Variants in KCNMB2 observed in about 807,000 individuals in gnomAD.
The protein encoded by KCNMB2 is potassium calcium-activated channel subfamily M regulatory beta subunit 2.
In KCNMB2, 9 loss-of-function variants were observed where a neutral mutation model predicts 24.5. The ratio of observed to expected loss-of-function variants is 0.37; its 90% confidence interval spans 0.22 to 0.64. The LOEUF (loss-of-function observed/expected upper bound fraction) is 0.64. Among genes scored for constraint, KCNMB2 ranks in the 30% least tolerant of loss-of-function variants. KCNMB2 has a pLI of 0.63. For missense variants in KCNMB2, 226 were observed against 284.3 expected, an observed-to-expected ratio of 0.79 and a Z score of 1.47; for synonymous variants, 109 against 104.4, an observed-to-expected ratio of 1.04 and a Z score of -0.27.
intron 1 of KCNMB2, among the ~76,000 whole-genome samples, chr3:178,577,032 C>T (rs1050761589): frequency 6.6e-6 from 1 of 152,166 alleles, no homozygotes; most frequent in East Asian, 1.9e-4. Flanking sequence ...TCCCTGACCC[C>T]GGTGCCTCCT....
At chr3:178,717,358 C>G (rs1320870234) in intron 1 of KCNMB2, among the ~76,000 whole-genome samples, 1 of 152,076 alleles carries the variant, frequency 6.6e-6, no homozygotes, top group Admixed American at 6.6e-5. Context: ...CACATTCATA[C>G]TTTGCGTCCT....
chr3:178,609,064 C>A (rs1189709679), intron 1 of KCNMB2, among the ~76,000 whole-genome samples: 1 of 152,154 alleles, frequency 6.6e-6, no homozygotes, highest in African/African-American at 2.4e-5. Flanking sequence ...GAGGAACCTC[C>A]AAATTGTTCC....
At chr3:178,686,728 CTTCA>C (rs2108325134) in intron 1 of KCNMB2, among the ~76,000 whole-genome samples, 1 of 152,204 alleles carries the variant, frequency 6.6e-6, no homozygotes, top group African/African-American at 2.4e-5. Context: ...CTTTTAGTTA[CTTCA>C]TTTACAATTT....
At chr3:178,610,061 C>T (rs1488511213) in intron 1 of KCNMB2, among the ~76,000 whole-genome samples, 1 of 152,140 alleles carries the variant, frequency 6.6e-6, no homozygotes, top group Non-Finnish European at 1.5e-5. Flanking sequence ...ATTCTTTACA[C>T]CTTTGTCAAA....
At chr3:178,684,220 G>T (rs1196752838) in intron 1 of KCNMB2, among the ~76,000 whole-genome samples, 1 of 151,554 alleles carries the variant, frequency 6.6e-6, no homozygotes, top group African/African-American at 2.4e-5. Context: ...TCTGGAGGAC[G>T]TTATGCTAAG....
intron 1 of KCNMB2, chr3:178,801,904 G>GT (rs1713790394): frequency 1.3e-5 from 2 of 152,174 alleles, no homozygotes; most frequent in Admixed American, 1.3e-4. Flanking sequence ...AGGTCTGAAT[G>GT]TTTTGGTCCC....
intron 1 of KCNMB2, among the ~76,000 whole-genome samples, chr3:178,566,954 T>G (rs1716548349): frequency 6.6e-6 from 1 of 152,198 alleles, no homozygotes; most frequent in Non-Finnish European, 1.5e-5. Flanking sequence ...ATGTCCTATC[T>G]TTTGTAGCTG....
intron 1 of KCNMB2, among the ~76,000 whole-genome samples, chr3:178,725,865 G>A (rs1003863813): frequency 6.6e-6 from 1 of 151,750 alleles, no homozygotes; most frequent in South Asian, 2.1e-4. Context: ...ATAGCATGTA[G>A]TTGGTTTATT....
chr3:178,582,358 T>C (rs1039495461), intron 1 of KCNMB2, among the ~76,000 whole-genome samples: 2 of 151,778 alleles, frequency 1.3e-5, no homozygotes, highest in African/African-American at 4.8e-5. Flanking sequence ...CCAGGGCCTG[T>C]GGCGGGGTGG....
Position 178,578,610 on chromosome 3 carries a change from C to T in KCNMB2, c.-68+41899C>T, listed in dbSNP as rs555214867. Among the ~76,000 whole-genome samples, 58 of 152,294 alleles carry T rather than the reference C, an allele frequency of 3.8e-4. No homozygotes were observed. In the South Asian group the frequency reaches 0.012, roughly 30 times the overall value. ...AATTGGATAAAAAATCAAGACCCATCAGTCTGCTGTATTCAGGAGACCAAT... is the reference window on the plus strand; with the variant it reads ...AATTGGATAAAAAATCAAGACCCATTAGTCTGCTGTATTCAGGAGACCAAT... On this transcript the variant is annotated intron_variant, in intron 1 of 4. Transcript: ENST00000452583.
chr3:178,731,675 G>A (rs1485466070), intron 1 of KCNMB2, among the ~76,000 whole-genome samples: 3 of 152,150 alleles, frequency 2.0e-5, no homozygotes, highest in African/African-American at 7.2e-5. Context: ...AGGCCGAGGT[G>A]GGTGGATCTC....
intron 1 of KCNMB2, among the ~76,000 whole-genome samples, chr3:178,599,894 A>G (rs1441527731): frequency 6.6e-6 from 1 of 152,038 alleles, no homozygotes; most frequent in Admixed American, 6.6e-5. Flanking sequence ...TTTTATTGAG[A>G]TGGAGTCTCA....
intron 2 of KCNMB2, among the ~76,000 whole-genome samples, chr3:178,817,286 G>A (rs1210885949): frequency 6.7e-6 from 1 of 148,872 alleles, no homozygotes; most frequent in South Asian, 2.1e-4. Context: ...CTGATGAAAT[G>A]TACACATTAA....
At chr3:178,614,293 A>ATATGTATG (rs1206572047) in intron 1 of KCNMB2, among the ~76,000 whole-genome samples, 7 of 85,962 alleles carry the variant, frequency 8.1e-5, no homozygotes, top group African/African-American at 2.6e-4. Context: ...ATATATATAT[A>ATATGTATG]TATGTATGTA....
intron 1 of KCNMB2, among the ~76,000 whole-genome samples, chr3:178,601,361 T>C (rs1171541790): frequency 2.0e-5 from 3 of 151,898 alleles, no homozygotes; most frequent in Non-Finnish European, 4.4e-5. Context: ...AATAAATAAA[T>C]AAAAATTTTA....
At chr3:178,830,913 T>C (rs1407941937) in intron 4 of KCNMB2, among the ~76,000 whole-genome samples, 1 of 152,180 alleles carries the variant, frequency 6.6e-6, no homozygotes, top group Admixed American at 6.5e-5. Flanking sequence ...AAACTTCTAA[T>C]TTCAGTGTAA....
intron 4 of KCNMB2, among the ~76,000 whole-genome samples, chr3:178,828,645 A>G (rs367547643): frequency 6.6e-6 from 1 of 152,318 alleles, no homozygotes; most frequent in East Asian, 1.9e-4. Context: ...ATCTTTACAC[A>G]AATAGACTGA....
intron 1 of KCNMB2, among the ~76,000 whole-genome samples, chr3:178,632,650 G>A (rs535498334): frequency 3.3e-5 from 5 of 152,228 alleles, no homozygotes; most frequent in Non-Finnish European, 7.4e-5. Context: ...AATTCAAGAT[G>A]AGATTTGGGT....
chr3:178,741,913 A>C (rs1048593695), intron 1 of KCNMB2, among the ~76,000 whole-genome samples: 1 of 152,208 alleles, frequency 6.6e-6, no homozygotes, highest in Non-Finnish European at 1.5e-5. Context: ...ATCCAACATT[A>C]ATGGGTAATG....
Sources: allele counts gnomAD v4.1 joint callset (sites outside exome capture counted in the v4.1 genomes callset), GRCh38; gene constraint gnomAD v4.1.1; transcripts MANE v1.5; gene names NCBI Gene and HGNC (gene_info 2026-07-23, HGNC 2026-07-21).